ITGAD: variants seen among roughly 807,000 people sequenced by gnomAD.
The protein encoded by ITGAD is integrin subunit alpha D, also known as integrin alpha-D.
ITGAD carries 105 observed loss-of-function variants against 139.0 expected under a neutral mutation model. The ratio of observed to expected loss-of-function variants is 0.76; its 90% CI spans 0.65 to 0.89. The LOEUF is 0.89. Ranked by LOEUF, ITGAD falls within the 40% of genes least tolerant of loss-of-function variation. The pLI, the probability that ITGAD is intolerant of heterozygous loss-of-function variation, is 0.00. For missense variants in ITGAD, 1,384 were observed against 1,487.3 expected (o/e 0.93, Z 1.14); for synonymous variants, 569 against 598.3 (o/e 0.95, Z 0.71).
chr16:31,412,092 CAG>C (rs1308248619), intron 14 of ITGAD, among the ~76,000 whole-genome samples: 7 of 149,500 alleles, frequency 4.7e-5, no homozygotes, highest in African/African-American at 1.5e-4. Context: ...TTTTTTGAGA[CAG>C]AGTCTCACTC....
intron 12 of ITGAD, 64 bp downstream of exon 12, chr16:31,410,942 C>A: frequency 1.3e-6 from 2 of 1,598,298 alleles, no homozygotes; most frequent in Admixed American, 1.7e-5. Flanking sequence ...GGGACAGTGG[C>A]CGGGGCTAGG....
In ITGAD at chr16:31,418,526, G is replaced by A. The variant is rs199830999; in HGVS notation, c.2742G>A (p.Glu914=). The stretch of plus-strand genomic sequence containing the variant: ...GCAGCAAGGCCACCTTCCAGCTGGA[G>A]CTCCCGGTGAAGTATGCAGTCTACA... ...ASSSKATFQL[E]LPVKYAVYTM... Residue 914 remains glutamate (E), a synonymous_variant, in exon 23 of 30, where the codon GAG becomes GAA. Transcript: ENST00000389202. 1.2e-6 allele frequency: 2 copies of A among 1,614,130 alleles called. No individual in the cohort carries two copies. Among genetic ancestry groups the A allele is most frequent in the East Asian group, 4.5e-5 (2 of 44,872 alleles).
In ITGAD at chr16:31,401,006, C is replaced by T. The variant is rs147342241; in HGVS notation, c.428-1109C>T. Among the ~76,000 whole-genome samples, 10 of 152,252 alleles carry T rather than the reference C, an allele frequency of 6.6e-5. No individual in the cohort carries two copies. In the South Asian group the frequency reaches 2.1e-3, roughly 32 times the overall value. On this transcript the variant is annotated intron_variant, in intron 5 of 29. Transcript: ENST00000389202. ...CAGCACTGGGGTGCTTGCCTGTCAT[C>T]CCAGTGCTTTGGGAGGCCGAGGTGA...
At position 31,426,173 on chromosome 16, in the gene ITGAD, C is replaced by T. The variant is rs2082112442; in HGVS notation, c.*45C>T. ...TCTCTACCACTGTGGGCTGGACTTG[C>T]TTGCAACCATAAATCAACTTACATG... On this transcript the variant is annotated 3_prime_UTR_variant, in exon 30 of 30. Coordinates refer to ENST00000389202, the MANE Select transcript of ITGAD (RefSeq NM_005353.3). 7.6e-7 allele frequency: 1 copy of T among 1,311,836 alleles called. No homozygotes were observed. Among genetic ancestry groups the T allele is most frequent in the Non-Finnish European group, 1.1e-6 (1 of 915,092 alleles). 81.3% of individuals were successfully genotyped at this position (1,311,836 alleles called of 1,614,324 possible).
rs751398405 is a variant in ITGAD, at chr16:31,411,225, C to G, written c.1497+9C>G. 6.2e-7 allele frequency: 1 copy of G among 1,612,352 alleles called. No individual in the cohort carries two copies. The highest frequency in any genetic ancestry group is 1.3e-5 in the African/African-American group (1 of 74,852). On this transcript the variant is annotated intron_variant, in intron 13 of 29. Transcript: ENST00000389202. ...GTCCCTTGCCTAGGGGGGTGAGTGG[C>G]TGATGGGACCTAGGCTGGGTGGGGT...
chr16:31,408,564 G>A, intron 10 of ITGAD, 66 bp downstream of exon 10: 1 of 1,430,298 alleles, frequency 7.0e-7, no homozygotes, highest in Admixed American at 1.7e-5. Context: ...CTGGGCTGGG[G>A]GCTGGGAGCC....
At position 31,401,178 on chromosome 16, in the gene ITGAD, T is replaced by TGAGCCTGGG. The variant is rs1567326623; in HGVS notation, c.428-933_428-925dup. Among the ~76,000 whole-genome samples the TGAGCCTGGG allele has an allele frequency of 6.6e-5, 10 of 152,260 alleles. No individual in the cohort carries two copies. In the South Asian group the frequency reaches 2.1e-3, roughly 32 times the overall value. ...AGGAGACTGAGGTGGGAGAATTGCCTGAGCCTGGGGAGGTCGAGGCTGCAC... is the reference window on the plus strand; with the variant it reads ...AGGAGACTGAGGTGGGAGAATTGCCTGAGCCTGGGGAGCCTGGGGAGGTCGAGGCTGCAC... On this transcript the variant is annotated intron_variant, in intron 5 of 29. Transcript: ENST00000389202.
intron 18 of ITGAD, among the ~76,000 whole-genome samples, chr16:31,415,808 T>C (rs1295984032): frequency 6.6e-6 from 1 of 152,206 alleles, no homozygotes; most frequent in African/African-American, 2.4e-5. Context: ...AGATATCACA[T>C]GGCTGTTATA....
At chr16:31,418,034 T>G (rs1346634722) in intron 20 of ITGAD, 41 bp from the exon 21 acceptor site, 1 of 1,498,648 alleles carries the variant, frequency 6.7e-7, no homozygotes, top group Non-Finnish European at 9.3e-7. Flanking sequence ...AGCCCACACA[T>G]GCATGCGGGT....
chr16:31,399,067 C>T (rs2081341743), intron 5 of ITGAD, among the ~76,000 whole-genome samples: 1 of 152,188 alleles, frequency 6.6e-6, no homozygotes, highest in Non-Finnish European at 1.5e-5. Flanking sequence ...TGTCAGTGCC[C>T]ATGTCTTCCA....
intron 7 of ITGAD, among the ~76,000 whole-genome samples, chr16:31,405,640 C>CTT (rs569550173): frequency 6.3e-4 from 66 of 103,976 alleles, no homozygotes; most frequent in Non-Finnish European, 7.8e-4. Flanking sequence ...TTTTGTTTTC[C>CTT]TTTTTTTTTT....
chr16:31,411,526 C>T lies in ITGAD; in HGVS notation c.1707+9C>T, dbSNP rs541094230. On this transcript the variant is annotated intron_variant, in intron 14 of 29. Transcript: ENST00000389202. ...GCCCCTCCCACAGCCAGGTGAGGCC[C>T]GTCTTCAGCCTCTTTTAGTCCCAGC... 6.6e-5 allele frequency: 106 copies of T among 1,613,804 alleles called. 2 individuals carry two copies. In the South Asian group the frequency reaches 9.0e-4, roughly 14 times the overall value.
At chr16:31,412,335 C>T (rs368502907) in intron 14 of ITGAD, among the ~76,000 whole-genome samples, 1 of 152,260 alleles carries the variant, frequency 6.6e-6, no homozygotes, top group Non-Finnish European at 1.5e-5. Context: ...TGAGCCACTC[C>T]GCCTGGCTGT....
rs763306798 is a variant in ITGAD, at chr16:31,424,166, C to T, written c.3224C>T (p.Ser1075Phe). 3 of 1,614,186 alleles carry T rather than the reference C, an allele frequency of 1.9e-6. No individual in the cohort carries two copies. Among genetic ancestry groups the T allele is most frequent in the Non-Finnish European group, 2.5e-6 (3 of 1,180,042 alleles). ...ATTACGTTCGACACATCCGTGTACT[C>T]CCAGCTTCCAGGACAGGAGGCATTT... ...AEITFDTSVY[S>F]QLPGQEAFMR... is the part of the protein sequence containing the mutation. Residue 1075 changes from serine (S) to phenylalanine (F), a missense_variant, in exon 28 of 30, where the codon TCC becomes TTC. Coordinates refer to ENST00000389202, the MANE Select transcript of ITGAD (RefSeq NM_005353.3).
Position 31,397,797 on chromosome 16 carries a change from C to T in ITGAD, c.315C>T (p.Ala105=). 1 of 1,613,008 alleles carries T rather than the reference C, an allele frequency of 6.2e-7. No homozygotes were observed. The highest frequency in any genetic ancestry group is 8.5e-7 in the Non-Finnish European group (1 of 1,179,622). The change falls in exon 5 of 30, where the codon GCC becomes GCT. Residue 105 remains alanine, a splice_region_variant and synonymous_variant. Transcript: ENST00000389202. ...AASTNGSRLL[A]CGPTLHRVCG... is the part of the protein sequence containing the mutation. Reference sequence around the variant, plus strand: ...GGCTCACAGGCTTCTGCCTCCAGGCCTGTGGCCCGACCCTGCACAGAGTCT... The same window carrying T: ...GGCTCACAGGCTTCTGCCTCCAGGCTTGTGGCCCGACCCTGCACAGAGTCT...
intron 20 of ITGAD, among the ~76,000 whole-genome samples, chr16:31,417,244 A>ATTTATTTG (rs2081915084): frequency 6.8e-6 from 1 of 146,470 alleles, no homozygotes; most frequent in Non-Finnish European, 1.5e-5. Flanking sequence ...TTATTTATTT[A>ATTTATTTG]TTTATTTATT....
At chr16:31,425,940 C>A in intron 29 of ITGAD, 75 bp from the exon 30 acceptor site, 2 of 935,090 alleles carry the variant, frequency 2.1e-6, no homozygotes, top group Non-Finnish European at 3.5e-6. Flanking sequence ...CTCAGCTTCC[C>A]ACAGTGCTGA....
At chr16:31,396,131 C>A (rs368772966) in intron 2 of ITGAD, among the ~76,000 whole-genome samples, 17 of 152,234 alleles carry the variant, frequency 1.1e-4, no homozygotes, top group Middle Eastern at 3.4e-3. Flanking sequence ...CAGAGAACCC[C>A]TGGTCAGACT....
chr16:31,397,709 G>T (rs1414020477), intron 4 of ITGAD, 43 bp downstream of exon 4: 4 of 1,489,108 alleles, frequency 2.7e-6, no homozygotes, highest in Admixed American at 1.9e-5. Flanking sequence ...GGTGGGGCGG[G>T]GGGTGTTGTT....
Sources: allele counts gnomAD v4.1 joint callset (sites outside exome capture counted in the v4.1 genomes callset), GRCh38; gene constraint gnomAD v4.1.1; transcripts MANE v1.5; gene names NCBI Gene and HGNC (gene_info 2026-07-23, HGNC 2026-07-21).